Variants in ALG9 observed in about 807,000 individuals in gnomAD.
The protein encoded by ALG9 is ALG9 alpha-1,2-mannosyltransferase.
A neutral mutation model predicts 81.8 loss-of-function variants in ALG9; 55 were observed. That is an observed-to-expected ratio of 0.67 (90% CI 0.54 to 0.84). ALG9 has a LOEUF of 0.84. Among genes scored for constraint, ALG9 ranks in the 40% least tolerant of loss-of-function variants. ALG9 has a pLI of 0.00. For missense variants in ALG9, 629 were observed against 745.0 expected, an observed-to-expected ratio of 0.84 and a Z score of 1.81; for synonymous variants, 278 against 274.3, an observed-to-expected ratio of 1.01 and a Z score of -0.13.
At chr11:111,817,901 C>T (rs1351311681) in intron 13 of ALG9, among the ~76,000 whole-genome samples, 2 of 151,880 alleles carry the variant, frequency 1.3e-5, no homozygotes, top group Non-Finnish European at 2.9e-5. Flanking sequence ...GCCTCAGCCT[C>T]CTGAGTAGCT....
chr11:111,866,918 C>G (rs1962677239), intron 3 of ALG9, among the ~76,000 whole-genome samples: 1 of 151,970 alleles, frequency 6.6e-6, no homozygotes, highest in Non-Finnish European at 1.5e-5. Flanking sequence ...CATGGTGAAA[C>G]CCTGTCTCTA....
chr11:111,853,847 T>G, intron 6 of ALG9, 111 bp from the exon 7 acceptor site: 1 of 985,406 alleles, frequency 1.0e-6, no homozygotes, highest in Non-Finnish European at 1.6e-6. Flanking sequence ...CCAGTTATAG[T>G]GAGGGAAGAA....
chr11:111,871,340 C>A lies in ALG9; in HGVS notation c.131+12G>T. 1 of 1,490,658 alleles carries A rather than the reference C, an allele frequency of 6.7e-7. No homozygotes were observed. The highest frequency in any genetic ancestry group is 8.9e-7 in the Non-Finnish European group (1 of 1,127,208). The allele number at this position is 1,490,658 out of a possible 1,614,324, so 92.3% of individuals were successfully genotyped here. A position where few individuals can be genotyped will look rare whatever the true frequency, so the allele number is the denominator to read the frequency against. On this transcript the variant is annotated intron_variant, in intron 1 of 14. Coordinates refer to ENST00000616540, the MANE Select transcript of ALG9 (RefSeq NM_024740.2). ...GCCGGCCGGCCACGCCCCTGCCGCG[C>A]CGCACACGTACTCGGTCCGGTGCTC...
rs782309232 is a variant in ALG9 at position 111,868,740 on chromosome 11, A to G, written c.271-4T>C. ...CCCCATAGATGAGGTAGTGTGTCTA[A>G]AAATACAAAACAGATAGATTCAGGG... On this transcript the variant is annotated splice_polypyrimidine_tract_variant and splice_region_variant and intron_variant, in intron 2 of 14. Transcript: ENST00000616540. 2 of 1,605,302 alleles carry G rather than the reference A, an allele frequency of 1.2e-6. No individual in the cohort carries two copies. Among genetic ancestry groups the G allele is most frequent in the African/African-American group, 2.7e-5 (2 of 74,688 alleles).
chr11:111,815,082 C>A (rs1243015386), intron 13 of ALG9, among the ~76,000 whole-genome samples: 1 of 152,110 alleles, frequency 6.6e-6, no homozygotes, highest in Non-Finnish European at 1.5e-5. Flanking sequence ...CAAGGCCTAC[C>A]AGGGATGTGG....
chr11:111,819,395 C>T (rs184081497), intron 13 of ALG9, among the ~76,000 whole-genome samples: 1 of 152,352 alleles, frequency 6.6e-6, no homozygotes. Flanking sequence ...AAACCATCTC[C>T]ACACAGAAGA....
intron 10 of ALG9, among the ~76,000 whole-genome samples, chr11:111,839,395 C>T (rs1459749677): frequency 1.3e-5 from 2 of 151,930 alleles, no homozygotes; most frequent in African/African-American, 4.8e-5. Context: ...ACCATCCTGG[C>T]TAACACAGTG....
intron 10 of ALG9, among the ~76,000 whole-genome samples, chr11:111,839,478 G>A (rs1004554281): frequency 6.6e-5 from 10 of 151,418 alleles, no homozygotes; most frequent in Non-Finnish European, 1.3e-4. Flanking sequence ...CCAGCTACCC[G>A]GGGGACTGAG....
At chr11:111,829,416 T>C (rs1953941895) in intron 13 of ALG9, among the ~76,000 whole-genome samples, 1 of 152,192 alleles carries the variant, frequency 6.6e-6, no homozygotes, top group South Asian at 2.1e-4. Flanking sequence ...ATGTGACTTC[T>C]TTCTGTTTCA....
At chr11:111,819,882 C>T (rs1461503187) in intron 13 of ALG9, among the ~76,000 whole-genome samples, 2 of 152,124 alleles carry the variant, frequency 1.3e-5, no homozygotes, top group African/African-American at 2.4e-5. Context: ...AAAGTATTTG[C>T]GGAAGGAAAG....
At chr11:111,866,930 T>A (rs1224555665) in intron 3 of ALG9, among the ~76,000 whole-genome samples, 1 of 151,986 alleles carries the variant, frequency 6.6e-6, no homozygotes, top group Non-Finnish European at 1.5e-5. Context: ...CTGTCTCTAC[T>A]AAAAATACAA....
chr11:111,824,566 G>A (rs533868833), intron 13 of ALG9, among the ~76,000 whole-genome samples: 8 of 152,282 alleles, frequency 5.3e-5, no homozygotes, highest in South Asian at 2.1e-4. Context: ...ATACCAAAGC[G>A]TAAGTAAAAA....
Position 111,837,463 on chromosome 11 carries a change from C to G in ALG9, c.1472+5G>C. On this transcript the variant is annotated splice_donor_5th_base_variant and intron_variant, in intron 12 of 14. Transcript: ENST00000616540. ...TAAAACCCTAGGAATTAAAGGACAA[C>G]TTACTTGTCAGGAAGAAGGAAGCTG... The G allele has an allele frequency of 1.2e-6, 2 of 1,614,022 alleles. No individual in the cohort carries two copies. Among genetic ancestry groups the G allele is most frequent in the African/African-American group, 2.7e-5 (2 of 75,054 alleles).
intron 14 of ALG9, among the ~76,000 whole-genome samples, chr11:111,794,875 G>T (rs782106308): frequency 7.2e-5 from 11 of 152,218 alleles, no homozygotes; most frequent in Non-Finnish European, 1.2e-4. Context: ...GTTCTGAAGA[G>T]AATCTCAGAA....
downstream of ALG9, among the ~76,000 whole-genome samples, chr11:111,779,766 GA>G (rs1164346577): frequency 6.6e-6 from 1 of 151,634 alleles, no homozygotes; most frequent in Non-Finnish European, 1.5e-5. Flanking sequence ...AGAATTCACT[GA>G]AAAAAAGGGA....
intron 14 of ALG9, among the ~76,000 whole-genome samples, chr11:111,788,189 T>G (rs1946754320): frequency 6.6e-6 from 1 of 152,230 alleles, no homozygotes; most frequent in Non-Finnish European, 1.5e-5. Context: ...GTGGCATTTG[T>G]ACTGGCAGCC....
At chr11:111,800,739 C>T (rs1304128307) in intron 14 of ALG9, among the ~76,000 whole-genome samples, 4 of 152,116 alleles carry the variant, frequency 2.6e-5, no homozygotes, top group African/African-American at 7.2e-5. Flanking sequence ...ACCATTGTAT[C>T]GTAAGGTCCA....
Position 111,860,708 on chromosome 11 carries a change from C to A in ALG9, c.477-73G>T, listed in dbSNP as rs189665861. ...CATTTCAAATCAAAGGAGAAAAACA[C>A]GTACCACAGATAACACTGAAGATCT... On this transcript the variant is annotated intron_variant, in intron 4 of 14. Transcript: ENST00000616540. 16 of 1,139,640 alleles carry A rather than the reference C, an allele frequency of 1.4e-5. No individual in the cohort carries two copies. The South Asian group carries it at 2.2e-4, about 15-fold the overall frequency. 70.6% of individuals were successfully genotyped at this position (1,139,640 alleles called of 1,614,324 possible).
intron 14 of ALG9, among the ~76,000 whole-genome samples, chr11:111,787,288 C>A (rs1946622440): frequency 6.6e-6 from 1 of 151,584 alleles, no homozygotes; most frequent in African/African-American, 2.4e-5. Context: ...AAAAAATTAG[C>A]CAGGCATGGT....
Sources: allele counts gnomAD v4.1 joint callset (sites outside exome capture counted in the v4.1 genomes callset), GRCh38; gene constraint gnomAD v4.1.1; transcripts MANE v1.5; gene names NCBI Gene and HGNC (gene_info 2026-07-23, HGNC 2026-07-21).